The following TLL2 variants were observed in gnomAD, a reference collection of about 807,000 sequenced individuals.
The protein encoded by TLL2 is tolloid-like protein 2.
A neutral mutation model predicts 123.0 loss-of-function variants in TLL2; 106 were observed. That is an observed-to-expected ratio of 0.86 (90% CI 0.74 to 1.01). The LOEUF (loss-of-function observed/expected upper bound fraction) is 1.01. Among genes scored for constraint, TLL2 ranks in the 50% least tolerant of loss-of-function variants. The pLI, the probability that TLL2 is intolerant of heterozygous loss-of-function variation, is 0.00. For synonymous variants in TLL2, 494 were observed against 516.8 expected (o/e 0.96, Z 0.60); for missense variants, 1,332 against 1,336.7 (o/e 1.00, Z 0.06).
rs1179147251 is a variant in TLL2 at position 96,370,057 on chromosome 10, G to C, written c.2913+8C>G. The C allele has an allele frequency of 1.3e-6, 2 of 1,573,638 alleles. No homozygotes were observed. Among genetic ancestry groups the C allele is most frequent in the African/African-American group, 2.7e-5 (2 of 73,948 alleles). ...CTCTGCCCCGGCCCCAGCGTCTCCGGGACTTACCCCAGAGCCACAGAAGCG... is the reference window on the plus strand; with the variant it reads ...CTCTGCCCCGGCCCCAGCGTCTCCGCGACTTACCCCAGAGCCACAGAAGCG... On this transcript the variant is annotated splice_region_variant and intron_variant, in intron 20 of 20. Transcript: ENST00000357947.
rs1196883029 is a variant in TLL2, at chr10:96,513,926, T to C, written c.-241A>G. ...GCCGAGGCTGCGGCGGCTGCGAGTG[T>C]GGCGGTGGCGGCGGTGGTTGGAGCA... On this transcript the variant is annotated 5_prime_UTR_variant, in exon 1 of 21. Coordinates refer to ENST00000357947, the MANE Select transcript of TLL2 (RefSeq NM_012465.4). 1 of 492,162 alleles carries C rather than the reference T, an allele frequency of 2.0e-6. No individual in the cohort carries two copies. The highest frequency in any genetic ancestry group is 4.3e-5 in the Admixed American group (1 of 23,430). 30.5% of individuals were successfully genotyped at this position (492,162 alleles called of 1,614,324 possible).
chr10:96,418,066 C>T (rs992478121), intron 7 of TLL2, among the ~76,000 whole-genome samples: 1 of 152,134 alleles, frequency 6.6e-6, no homozygotes, highest in Non-Finnish European at 1.5e-5. Flanking sequence ...CCTAGAGATT[C>T]TGGGGAATTT....
intron 16 of TLL2, among the ~76,000 whole-genome samples, chr10:96,383,745 C>T (rs961852303): frequency 5.5e-4 from 84 of 152,164 alleles, no homozygotes; most frequent in Non-Finnish European, 7.6e-4. Flanking sequence ...TTCAGCCTCA[C>T]GAGTAGCTGG....
chr10:96,482,681 C>T (rs992216100), intron 1 of TLL2, among the ~76,000 whole-genome samples: 7 of 152,220 alleles, frequency 4.6e-5, no homozygotes, highest in African/African-American at 1.7e-4. Context: ...AAACAAGGAT[C>T]GACTGTAAAT....
intron 19 of TLL2, 54 bp from the exon 20 acceptor site, chr10:96,370,369 C>A: frequency 6.7e-7 from 1 of 1,496,580 alleles, no homozygotes; most frequent in African/African-American, 1.4e-5. Context: ...CTCGTGCCTC[C>A]CGCCTGCGTC....
intron 7 of TLL2, among the ~76,000 whole-genome samples, chr10:96,418,338 G>A (rs1383205253): frequency 6.6e-6 from 1 of 152,234 alleles, no homozygotes; most frequent in Non-Finnish European, 1.5e-5. Context: ...CTGGCACGGA[G>A]CAGGCGGTGA....
At chr10:96,381,283 T>G (rs1283888371) in intron 16 of TLL2, among the ~76,000 whole-genome samples, 1 of 152,224 alleles carries the variant, frequency 6.6e-6, no homozygotes, top group East Asian at 1.9e-4. Flanking sequence ...AAGTTTAGGC[T>G]TCCCCTGCTC....
At position 96,383,795 on chromosome 10, in the gene TLL2, T is replaced by C. The variant is rs866191761; in HGVS notation, c.2194+792A>G. Among the ~76,000 whole-genome samples the C allele has an allele frequency of 1.3e-3, 190 of 150,938 alleles. 1 individual carries two copies. Among genetic ancestry groups the C allele is most frequent in the African/African-American group, 4.4e-3 (181 of 41,280 alleles). ...ACCACCACGCCCGGCTAATTTTTTT[T>C]TTTTTTTTTGTATTTTTAGTAGAGA... On this transcript the variant is annotated intron_variant, in intron 16 of 20. Transcript: ENST00000357947.
At chr10:96,447,041 G>A (rs1465705985) in intron 2 of TLL2, among the ~76,000 whole-genome samples, 1 of 152,236 alleles carries the variant, frequency 6.6e-6, no homozygotes, top group Admixed American at 6.5e-5. Flanking sequence ...GAACGTGATG[G>A]GAGGAGCTGC....
At chr10:96,434,398 C>T (rs1166433354) in intron 3 of TLL2, among the ~76,000 whole-genome samples, 1 of 152,200 alleles carries the variant, frequency 6.6e-6, no homozygotes, top group Non-Finnish European at 1.5e-5. Flanking sequence ...AACTTTGTTT[C>T]TATGAATTTG....
intron 1 of TLL2, among the ~76,000 whole-genome samples, chr10:96,494,233 C>T (rs941139984): frequency 4.6e-5 from 7 of 152,186 alleles, no homozygotes; most frequent in South Asian, 2.1e-4. Context: ...GGGTGGTGAA[C>T]GGCCCCTGAG....
chr10:96,441,539 T>C (rs1012644477), intron 3 of TLL2, among the ~76,000 whole-genome samples: 1 of 152,156 alleles, frequency 6.6e-6, no homozygotes, highest in African/African-American at 2.4e-5. Flanking sequence ...TCAGTGAAGT[T>C]TGGGAACCAC....
At chr10:96,435,267 G>C (rs1023492609) in intron 3 of TLL2, among the ~76,000 whole-genome samples, 1 of 151,916 alleles carries the variant, frequency 6.6e-6, no homozygotes, top group Non-Finnish European at 1.5e-5. Flanking sequence ...TCCTGACCTC[G>C]TGATCTGCCC....
rs1564897848 is a variant in TLL2, at chr10:96,395,317, A to G, written c.1596T>C (p.Ser532=). The change falls in exon 13 of 21, where the codon AGT becomes AGC. Residue 532 remains serine (S), a synonymous_variant. Coordinates refer to ENST00000357947, the MANE Select transcript of TLL2 (RefSeq NM_012465.4). ...AGCCACAAAAGTGGCCGATCAGGGC[A>G]CTCTCTTCCGTGGGGCCATCCCGGA... ...LEVRDGPTEE[S]ALIGHFCGYE... The G allele has an allele frequency of 6.2e-7, 1 of 1,613,744 alleles. No homozygotes were observed. The highest frequency in any genetic ancestry group is 8.5e-7 in the Non-Finnish European group (1 of 1,179,888).
chr10:96,480,450 CA>C lies in TLL2; in HGVS notation c.184del (p.Trp62GlyfsTer6). The C allele has an allele frequency of 1.2e-6, 2 of 1,613,772 alleles. No individual in the cohort carries two copies. Among genetic ancestry groups the C allele is most frequent in the Non-Finnish European group, 1.7e-6 (2 of 1,179,728 alleles). Reference sequence around the variant, plus strand: ...ATCTTCATCTAAGGCAATGTCTCCCCAAAAGACAGCTGGGAAGGAAACACAT... The same window carrying C: ...ATCTTCATCTAAGGCAATGTCTCCCCAAAGACAGCTGGGAAGGAAACACAT... ...YHDPCKAAVFWGDIALDEDDL... is the reference protein window; with the variant it reads ...YHDPCKAAVFXGDIALDEDDL... On this transcript the variant is annotated frameshift_variant, in exon 2 of 21. Coordinates refer to ENST00000357947, the MANE Select transcript of TLL2 (RefSeq NM_012465.4). LOFTEE classifies it high-confidence loss of function.
At position 96,489,631 on chromosome 10, in the gene TLL2, G is replaced by T. The variant is rs138364465; in HGVS notation, c.176-9172C>A. 6.1e-4 allele frequency among the ~76,000 whole-genome samples: 93 copies of T among 152,302 alleles called. 1 individual carries two copies. The East Asian group carries it at 0.017, about 28-fold the overall frequency. On this transcript the variant is annotated intron_variant, in intron 1 of 20. Coordinates refer to ENST00000357947, the MANE Select transcript of TLL2 (RefSeq NM_012465.4). Reference sequence around the variant, plus strand: ...ATTGGGCACTGAAATGTGATTATATGATTGAGGAACTGAATTTTACATTTT... The same window carrying T: ...ATTGGGCACTGAAATGTGATTATATTATTGAGGAACTGAATTTTACATTTT...
intron 5 of TLL2, among the ~76,000 whole-genome samples, chr10:96,424,963 A>T (rs1379593673): frequency 1.3e-5 from 2 of 149,240 alleles, no homozygotes; most frequent in East Asian, 3.9e-4. Context: ...TCTTTGATCT[A>T]GCTAGAATAG....
At chr10:96,447,253 G>A (rs1846904839) in intron 2 of TLL2, among the ~76,000 whole-genome samples, 1 of 152,258 alleles carries the variant, frequency 6.6e-6, no homozygotes, top group African/African-American at 2.4e-5. Context: ...GAGGGAGGCA[G>A]GCCCACACGG....
intron 13 of TLL2, among the ~76,000 whole-genome samples, chr10:96,389,168 C>T (rs766053843): frequency 2.4e-4 from 37 of 152,176 alleles, no homozygotes; most frequent in Admixed American, 1.8e-3. Flanking sequence ...ATCCTCCAGC[C>T]GATCTTCCTC....
Sources: allele counts gnomAD v4.1 joint callset (sites outside exome capture counted in the v4.1 genomes callset), GRCh38; gene constraint gnomAD v4.1.1; transcripts MANE v1.5; gene names NCBI Gene and HGNC (gene_info 2026-07-23, HGNC 2026-07-21).